MMP26: variants seen among roughly 807,000 people sequenced by gnomAD.
MMP26 encodes matrix metalloproteinase-26.
MMP26 carries 33 observed loss-of-function variants against 31.0 expected under a neutral mutation model. The ratio of observed to expected loss-of-function variants is 1.06; its 90% CI spans 0.81 to 1.42. The LOEUF is 1.42. Ranked by LOEUF, MMP26 falls within the 40% of genes most tolerant of loss-of-function variation. The pLI, the probability that MMP26 is intolerant of heterozygous loss-of-function variation, is 0.00. For missense variants in MMP26, 347 were observed against 316.1 expected (o/e 1.10, Z -0.74); for synonymous variants, 122 against 114.9 (o/e 1.06, Z -0.40).
intron 1 of MMP26, among the ~76,000 whole-genome samples, chr11:4,729,614 TA>T (rs1180323302): frequency 4.6e-5 from 7 of 152,020 alleles, no homozygotes; most frequent in Admixed American, 3.9e-4. Flanking sequence ...CAGAGTAAAA[TA>T]GGGGAAATAA....
chr11:4,877,536 TC>T (rs1850400067), intron 2 of MMP26: 1 of 152,168 alleles, frequency 6.6e-6, no homozygotes, highest in African/African-American at 2.4e-5. Context: ...GTAAATGCAA[TC>T]AAGTTAGAGA....
intron 1 of MMP26, among the ~76,000 whole-genome samples, chr11:4,754,639 T>A (rs371174895): frequency 2.6e-5 from 4 of 152,102 alleles, no homozygotes; most frequent in East Asian, 1.9e-4. Context: ...TTTACACAAG[T>A]TTTATCATCT....
chr11:4,786,103 C>G (rs1195448456), intron 2 of MMP26, among the ~76,000 whole-genome samples: 1 of 152,118 alleles, frequency 6.6e-6, no homozygotes, highest in Non-Finnish European at 1.5e-5. Flanking sequence ...CTGTGGATTA[C>G]TTGTAATTCC....
intron 2 of MMP26, among the ~76,000 whole-genome samples, chr11:4,862,769 T>C (rs1210868336): frequency 2.0e-5 from 3 of 152,184 alleles, no homozygotes; most frequent in African/African-American, 2.4e-5. Flanking sequence ...TTTTACAGAT[T>C]TGAGTATCTT....
chr11:4,848,784 G>A (rs750637821), intron 2 of MMP26: 15 of 1,614,062 alleles, frequency 9.3e-6, no homozygotes, highest in South Asian at 3.3e-5. Context: ...GGTGAGGAGC[G>A]CTGGGTAGTG....
intron 2 of MMP26, among the ~76,000 whole-genome samples, chr11:4,942,468 T>G (rs545360383): frequency 8.6e-4 from 131 of 152,240 alleles, no homozygotes; most frequent in African/African-American, 3.0e-3. Context: ...TGTTTTAATA[T>G]TTTATCATTG....
intron 2 of MMP26, among the ~76,000 whole-genome samples, chr11:4,847,146 T>C (rs1849883281): frequency 6.6e-6 from 1 of 152,224 alleles, no homozygotes; most frequent in African/African-American, 2.4e-5. Flanking sequence ...CTTGCTTTTA[T>C]CACATCCACT....
chr11:4,888,807 T>A (rs961307403), intron 2 of MMP26, among the ~76,000 whole-genome samples: 1 of 152,172 alleles, frequency 6.6e-6, no homozygotes, highest in Non-Finnish European at 1.5e-5. Flanking sequence ...GACAATAGAC[T>A]TCTTTCACTT....
At chr11:4,828,842 G>T (rs1849611244) in intron 2 of MMP26, among the ~76,000 whole-genome samples, 1 of 152,034 alleles carries the variant, frequency 6.6e-6, no homozygotes, top group Non-Finnish European at 1.5e-5. Flanking sequence ...TGGTTATTTT[G>T]TTCTGGTCCA....
chr11:4,864,750 C>T (rs1294834825), intron 2 of MMP26, among the ~76,000 whole-genome samples: 1 of 152,090 alleles, frequency 6.6e-6, no homozygotes, highest in Non-Finnish European at 1.5e-5. Context: ...GTGACTTGAA[C>T]TCCCCTGAAG....
At chr11:4,872,884 G>T (rs564910973) in intron 2 of MMP26, among the ~76,000 whole-genome samples, 53 of 152,172 alleles carry the variant, frequency 3.5e-4, no homozygotes, top group African/African-American at 1.1e-3. Context: ...TAGATAGACA[G>T]AATTAAGCTA....
chr11:4,929,495 A>T (rs924531280), intron 2 of MMP26, among the ~76,000 whole-genome samples: 5 of 152,180 alleles, frequency 3.3e-5, no homozygotes, highest in Admixed American at 6.6e-5. Flanking sequence ...TTTTCTTCAG[A>T]ACACTGTATA....
chr11:4,840,002 C>T (rs1221773535), intron 2 of MMP26, among the ~76,000 whole-genome samples: 1 of 152,088 alleles, frequency 6.6e-6, no homozygotes, highest in African/African-American at 2.4e-5. Flanking sequence ...ACTTAAGAGC[C>T]CTTGGGCCTT....
chr11:4,892,284 A>G (rs949399615), intron 2 of MMP26, among the ~76,000 whole-genome samples: 3 of 152,194 alleles, frequency 2.0e-5, no homozygotes, highest in Non-Finnish European at 4.4e-5. Flanking sequence ...ACATAAAAAA[A>G]GTATGCAGAG....
At chr11:4,859,035 C>T (rs1353736538) in intron 2 of MMP26, among the ~76,000 whole-genome samples, 1 of 152,184 alleles carries the variant, frequency 6.6e-6, no homozygotes, top group Admixed American at 6.5e-5. Context: ...AAAGCTGAAA[C>T]TGGATCCCCT....
chr11:4,992,393 G>A lies in MMP26; in HGVS notation c.*151G>A, dbSNP rs1020108549. On this transcript the variant is annotated 3_prime_UTR_variant, in exon 8 of 8. Transcript: ENST00000380390. The stretch of plus-strand genomic sequence containing the variant: ...GGTTAGCTGAACCGACACTCAAAAC[G>A]CTACTGAGTCACAATAAAGATTGTT... The A allele has an allele frequency of 3.2e-5, 21 of 663,408 alleles. No individual in the cohort carries two copies. Among genetic ancestry groups the A allele is most frequent in the Admixed American group, 5.9e-5 (2 of 33,964 alleles). 41.1% of individuals were successfully genotyped at this position (663,408 alleles called of 1,614,324 possible).
At chr11:4,947,018 C>T (rs1450846406) in intron 2 of MMP26, 1 of 1,584,482 alleles carries the variant, frequency 6.3e-7, no homozygotes, top group Non-Finnish European at 8.6e-7. Context: ...GATAGAGATC[C>T]AGATGTGTGC....
chr11:4,732,162 C>T (rs1349819128), intron 1 of MMP26, among the ~76,000 whole-genome samples: 3 of 152,278 alleles, frequency 2.0e-5, no homozygotes, highest in Middle Eastern at 3.4e-3. Context: ...CATTGAATTG[C>T]TTCCACTTCT....
intron 2 of MMP26, among the ~76,000 whole-genome samples, chr11:4,928,876 T>TA (rs1371205187): frequency 3.3e-5 from 5 of 152,242 alleles, no homozygotes; most frequent in African/African-American, 9.6e-5. Flanking sequence ...ATATTAAAGC[T>TA]AAAAAGAGAG....
Sources: gnomAD v4.1 joint callset for allele counts (sites outside exome capture counted in the v4.1 genomes callset) on GRCh38, gnomAD v4.1.1 for gene constraint, MANE v1.5 for transcripts, NCBI Gene and HGNC (gene_info 2026-07-23, HGNC 2026-07-21) for gene names.